Variants in DCLK1 observed in about 807,000 individuals in gnomAD.
DCLK1 encodes the protein doublecortin like kinase 1, also known as serine/threonine-protein kinase DCLK1.
DCLK1 carries 16 observed loss-of-function variants against 86.2 expected under a neutral mutation model. That is an observed-to-expected ratio of 0.19 (90% confidence interval 0.13 to 0.28). The LOEUF is 0.28. DCLK1 is among the 10% of genes least tolerant of loss of function. The probability of loss-of-function intolerance (pLI) is 1.00; values close to 1 mark genes in which losing one functional copy is unlikely to be tolerated. For synonymous variants in DCLK1, 369 were observed against 370.5 expected, an observed-to-expected ratio of 1.00 and a Z score of 0.05; for missense variants, 590 against 940.2, an observed-to-expected ratio of 0.63 and a Z score of 4.87.
rs904727448 is a variant in DCLK1 at position 35,772,780 on chromosome 13, A to G, written c.*1755T>C. The G allele has an allele frequency of 1.3e-5, 2 of 152,192 alleles. No individual in the cohort carries two copies. The highest frequency in any genetic ancestry group is 1.3e-4 in the Admixed American group (2 of 15,284). The allele number at this position is 152,192 out of a possible 1,614,324, so 9.4% of individuals were successfully genotyped here. A position where few individuals can be genotyped will look rare whatever the true frequency, so the allele number is the denominator to read the frequency against. On this transcript the variant is annotated 3_prime_UTR_variant, in exon 17 of 17. Transcript: ENST00000360631. ...CAAAAAATTTTGGTGATGGTGTTGC[A>G]AAAGTAATGACATGTGATTTAAAAA...
intron 3 of DCLK1, among the ~76,000 whole-genome samples, chr13:36,095,235 T>C (rs1884969690): frequency 1.3e-5 from 2 of 151,634 alleles, no homozygotes; most frequent in Admixed American, 6.6e-5. Context: ...AGACAGAATC[T>C]CACTCTGTCG....
chr13:35,907,660 G>A (rs187287430), intron 4 of DCLK1, among the ~76,000 whole-genome samples: 7 of 152,136 alleles, frequency 4.6e-5, no homozygotes, highest in African/African-American at 1.7e-4. Flanking sequence ...GCCTGCAGAG[G>A]CCATCCCAGG....
intron 3 of DCLK1, among the ~76,000 whole-genome samples, chr13:36,028,770 T>C (rs549667467): frequency 6.6e-6 from 1 of 152,302 alleles, no homozygotes; most frequent in East Asian, 1.9e-4. Flanking sequence ...AAAACCAAGA[T>C]GGCAATGGAA....
chr13:35,896,591 GA>G lies in DCLK1; in HGVS notation c.824-25252del, dbSNP rs11450161. Reference sequence around the variant, plus strand: ...ATATGCTGTTAGAACTTGATATATAGAAAAAAAAAAGTAAAGATTTTTTTTT... The same window carrying G: ...ATATGCTGTTAGAACTTGATATATAGAAAAAAAAAGTAAAGATTTTTTTTT... On this transcript the variant is annotated intron_variant, in intron 4 of 16. Transcript: ENST00000360631. Among the ~76,000 whole-genome samples the G allele has an allele frequency of 4.9e-3, 641 of 130,004 alleles. 8 individuals are homozygous for G. Among genetic ancestry groups the G allele is most frequent in the African/African-American group, 0.018 (604 of 34,282 alleles). 85.3% of individuals were successfully genotyped at this position (130,004 alleles called of 152,430 possible). A position where few individuals can be genotyped will look rare whatever the true frequency, so the allele number is the denominator to read the frequency against.
At chr13:36,073,161 A>C (rs1387758178) in intron 3 of DCLK1, among the ~76,000 whole-genome samples, 1 of 152,214 alleles carries the variant, frequency 6.6e-6, no homozygotes, top group Non-Finnish European at 1.5e-5. Context: ...AAATACATAC[A>C]ATTGGCAACC....
chr13:35,875,591 A>C (rs893575432), intron 4 of DCLK1, among the ~76,000 whole-genome samples: 2 of 152,212 alleles, frequency 1.3e-5, no homozygotes, highest in Non-Finnish European at 2.9e-5. Context: ...TATTTCATTA[A>C]GTTTTTGAAA....
intron 4 of DCLK1, among the ~76,000 whole-genome samples, chr13:35,926,302 C>T (rs1490883704): frequency 6.6e-6 from 1 of 152,206 alleles, no homozygotes; most frequent in Non-Finnish European, 1.5e-5. Flanking sequence ...AAGTGATCCG[C>T]CCTCTTAGGC....
At position 36,125,991 on chromosome 13, in the gene DCLK1, C is replaced by A. The variant is rs200647366; in HGVS notation, c.147G>T (p.Thr49=). ...TCTTGGCCTTCTTCTCGGAGCTGAG[C>A]GTCTGCAGCGTGCGGGTGCGGTAGA... ...CSFYRTRTLQ[T]LSSEKKAKKV... Residue 49 remains threonine (T), a synonymous_variant, in exon 2 of 17, where the codon ACG becomes ACT. Transcript: ENST00000360631. 9.3e-6 allele frequency: 15 copies of A among 1,614,042 alleles called. No homozygotes were observed. The highest frequency in any genetic ancestry group is 2.7e-5 in the African/African-American group (2 of 74,928).
At chr13:35,849,900 C>T in intron 6 of DCLK1, 2 of 961,530 alleles carry the variant, frequency 2.1e-6, no homozygotes, top group Non-Finnish European at 2.5e-6. Context: ...AGTTTTTACA[C>T]ATTTAAAAAA....
chr13:36,013,717 A>G (rs1881396021), intron 3 of DCLK1, among the ~76,000 whole-genome samples: 1 of 152,180 alleles, frequency 6.6e-6, no homozygotes, highest in Non-Finnish European at 1.5e-5. Flanking sequence ...TGGAGCCTAC[A>G]GAGGCAGGCA....
At chr13:36,116,063 C>T (rs1885775471) in intron 2 of DCLK1, among the ~76,000 whole-genome samples, 1 of 151,750 alleles carries the variant, frequency 6.6e-6, no homozygotes, top group South Asian at 2.1e-4. Context: ...AATTCTCCTG[C>T]CTCAGCCTCC....
chr13:36,087,698 T>C (rs1244426896), intron 3 of DCLK1, among the ~76,000 whole-genome samples: 1 of 151,982 alleles, frequency 6.6e-6, no homozygotes, highest in Non-Finnish European at 1.5e-5. Flanking sequence ...TCCTGGAGGC[T>C]TCTCCCTCCT....
At chr13:36,077,085 A>G (rs1884240387) in intron 3 of DCLK1, among the ~76,000 whole-genome samples, 6 of 152,138 alleles carry the variant, frequency 3.9e-5, no homozygotes, top group Admixed American at 2.6e-4. Context: ...CTGAGCACTT[A>G]CTATCAATAC....
At chr13:35,925,791 C>T (rs374372753) in intron 4 of DCLK1, among the ~76,000 whole-genome samples, 14 of 152,150 alleles carry the variant, frequency 9.2e-5, no homozygotes, top group African/African-American at 2.9e-4. Context: ...TTTACATATA[C>T]GGACTCTAAT....
At chr13:36,043,201 G>A (rs1382728633) in intron 3 of DCLK1, among the ~76,000 whole-genome samples, 1 of 152,060 alleles carries the variant, frequency 6.6e-6, no homozygotes, top group African/African-American at 2.4e-5. Flanking sequence ...TTGGGAAAGT[G>A]TAATTGACCA....
At chr13:35,907,899 G>A (rs1369924987) in intron 4 of DCLK1, among the ~76,000 whole-genome samples, 1 of 149,348 alleles carries the variant, frequency 6.7e-6, no homozygotes, top group African/African-American at 2.5e-5. Flanking sequence ...TTTACAAGTA[G>A]GAGCTTTCAG....
chr13:35,861,884 T>C (rs1272491120), intron 5 of DCLK1, among the ~76,000 whole-genome samples: 2 of 151,130 alleles, frequency 1.3e-5, no homozygotes, highest in Non-Finnish European at 3.0e-5. Flanking sequence ...ATACAAAAAA[T>C]TAGCCAGGCG....
intron 3 of DCLK1, among the ~76,000 whole-genome samples, chr13:36,059,141 C>T (rs1336999459): frequency 6.6e-6 from 1 of 152,134 alleles, no homozygotes. Context: ...GTGCTCCATC[C>T]ATCATAGTGC....
intron 3 of DCLK1, among the ~76,000 whole-genome samples, chr13:36,077,850 C>T (rs748746945): frequency 2.0e-5 from 3 of 152,080 alleles, no homozygotes; most frequent in African/African-American, 7.2e-5. Flanking sequence ...ATGCTGATGT[C>T]GGGGACATAC....
Sources: allele counts gnomAD v4.1 joint callset (sites outside exome capture counted in the v4.1 genomes callset), GRCh38; gene constraint gnomAD v4.1.1; transcripts MANE v1.5; gene names NCBI Gene and HGNC (gene_info 2026-07-23, HGNC 2026-07-21).